GGA3: variants seen among roughly 807,000 people sequenced by gnomAD.
GGA3 encodes the protein ADP-ribosylation factor-binding protein GGA3.
Under a neutral mutation model 77.5 loss-of-function variants are expected in GGA3, and 57 were observed. The observed-to-expected ratio is 0.74, with a 90% CI of 0.59 to 0.92. GGA3 has a LOEUF of 0.92. Ranked by LOEUF, GGA3 falls within the 40% of genes least tolerant of loss-of-function variation. The pLI, the probability that GGA3 is intolerant of heterozygous loss-of-function variation, is 0.00. For synonymous variants in GGA3, 416 were observed against 383.7 expected (o/e 1.08, Z -0.98); for missense variants, 970 against 914.9 (o/e 1.06, Z -0.78).
chr17:75,240,533 C>T, intron 11 of GGA3, 121 bp from the exon 12 acceptor site: 1 of 703,030 alleles, frequency 1.4e-6, no homozygotes, highest in Non-Finnish European at 2.5e-6. Flanking sequence ...CCGGGAGAAG[C>T]TGTTCTGCAG....
At chr17:75,262,122 C>T (rs776823262), upstream of GGA3, 23 of 1,027,242 alleles carry the variant, frequency 2.2e-5, no homozygotes, top group East Asian at 2.8e-4. Flanking sequence ...AGCTGCGTGA[C>T]CCTGCGCCAA....
At chr17:75,251,125 A>G (rs1967385) in intron 1 of GGA3, among the ~76,000 whole-genome samples, 113,473 of 151,822 alleles carry the variant, frequency 0.75, 47,486 homozygotes, top group East Asian at 0.92. Flanking sequence ...AACAAGCAGA[A>G]GCAAGAACAT....
chr17:75,252,445 A>C (rs1030623938), intron 1 of GGA3, among the ~76,000 whole-genome samples: 3 of 150,882 alleles, frequency 2.0e-5, no homozygotes, highest in African/African-American at 7.3e-5. Context: ...CTATTCCCCC[A>C]CCTCTTTTTT....
intron 1 of GGA3, among the ~76,000 whole-genome samples, chr17:75,251,370 G>C (rs575265958): frequency 6.6e-6 from 1 of 151,242 alleles, no homozygotes; most frequent in Non-Finnish European, 1.5e-5. Context: ...CAAAAAACAA[G>C]ACAGTAGATA....
chr17:75,246,512 C>T lies in GGA3; in HGVS notation c.198G>A (p.Leu66=). The T allele has an allele frequency of 6.2e-7, 1 of 1,604,228 alleles. No homozygotes were observed. Among genetic ancestry groups the T allele is most frequent in the Non-Finnish European group, 8.5e-7 (1 of 1,170,940 alleles). ...SPQEWEALQA[L]TVLEACMKNC... ...CTCCGGAGAGTGAAGGACCTACCGT[C>T]AGGGCCTGGAGCGCCTCCCATTCCT... is the stretch of plus-strand genomic sequence containing the variant. Residue 66 remains leucine, a synonymous_variant, in exon 3 of 17, where the codon CTG becomes CTA. Coordinates refer to ENST00000537686, the MANE Select transcript of GGA3 (RefSeq NM_138619.4).
Position 75,238,771 on chromosome 17 carries a change from A to C in GGA3, c.1951-9T>G, listed in dbSNP as rs1383939100. 1 of 1,605,732 alleles carries C rather than the reference A, an allele frequency of 6.2e-7. No homozygotes were observed. The highest frequency in any genetic ancestry group is 1.3e-5 in the African/African-American group (1 of 74,646). On this transcript the variant is annotated splice_polypyrimidine_tract_variant and intron_variant, in intron 15 of 16. Transcript: ENST00000537686. ...AACTTCACTTTCATTGACTAAAGAG[A>C]GAGAAACTCCTTTGAAGAGAACTGG...
chr17:75,255,058 A>C lies in GGA3; in HGVS notation c.40+6490T>G, dbSNP rs546006708. Among the ~76,000 whole-genome samples the C allele has an allele frequency of 3.8e-3, 581 of 152,290 alleles. 2 individuals are homozygous for C. The highest frequency in any genetic ancestry group is 0.013 in the African/African-American group (550 of 41,550). On this transcript the variant is annotated intron_variant, in intron 1 of 16. Transcript: ENST00000537686. ...AACGGCTGAAGACTGACGCTGCCCG[A>C]TCGCCTCGGAAGCCCCATAGACCAT... is the stretch of plus-strand genomic sequence containing the variant.
chr17:75,237,913 A>AGCCGG lies in GGA3; in HGVS notation c.*365_*366insCCGGC. 1 of 1,220,416 alleles carries AGCCGG rather than the reference A, an allele frequency of 8.2e-7. No homozygotes were observed. The highest frequency in any genetic ancestry group is 1.0e-6 in the Non-Finnish European group (1 of 968,918). 75.6% of individuals were successfully genotyped at this position (1,220,416 alleles called of 1,614,324 possible). A position where few individuals can be genotyped will look rare whatever the true frequency, so the allele number is the denominator to read the frequency against. On this transcript the variant is annotated 3_prime_UTR_variant, in exon 17 of 17. Coordinates refer to ENST00000537686, the MANE Select transcript of GGA3 (RefSeq NM_138619.4). ...ATGACCCATGACAGTCTCTCTTTAG[A>AGCCGG]GACTCCCACCCCCCACCCCCCACCC...
At chr17:75,242,570 G>T in intron 7 of GGA3, 97 bp from the exon 8 acceptor site, 3 of 1,419,008 alleles carry the variant, frequency 2.1e-6, no homozygotes, top group Non-Finnish European at 3.0e-6. Flanking sequence ...AAGTACAGAC[G>T]CTCGGAAGCT....
chr17:75,240,487 G>T, intron 11 of GGA3, 75 bp from the exon 12 acceptor site: 1 of 958,206 alleles, frequency 1.0e-6, no homozygotes, highest in Non-Finnish European at 1.6e-6. Context: ...GCCTGAGGAG[G>T]GGTCAGGTGA....
chr17:75,239,715 CT>C (rs1305716587), intron 13 of GGA3, 73 bp downstream of exon 13: 1 of 1,566,258 alleles, frequency 6.4e-7, no homozygotes, highest in African/African-American at 1.4e-5. Context: ...ACCCCCACCC[CT>C]TCAAAGTTAG....
At chr17:75,243,039 TC>T (rs1332770524) in intron 6 of GGA3, 23 bp downstream of exon 6, 2 of 1,575,118 alleles carry the variant, frequency 1.3e-6, no homozygotes, top group South Asian at 2.2e-5. Flanking sequence ...TATGAGAAAA[TC>T]CCAGGCCCAG....
chr17:75,254,876 CA>C (rs1276360549), intron 1 of GGA3, among the ~76,000 whole-genome samples: 13 of 152,170 alleles, frequency 8.5e-5, no homozygotes, highest in Non-Finnish European at 1.9e-4. Context: ...GCCACCGAGC[CA>C]AGGAATGCCC....
chr17:75,259,175 C>T (rs1315674473), intron 1 of GGA3, among the ~76,000 whole-genome samples: 1 of 151,986 alleles, frequency 6.6e-6, no homozygotes, highest in Non-Finnish European at 1.5e-5. Flanking sequence ...AGGATGGTCT[C>T]GATCTCCTGA....
At chr17:75,239,757 T>G in intron 13 of GGA3, 32 bp downstream of exon 13, 1 of 1,609,064 alleles carries the variant, frequency 6.2e-7, no homozygotes, top group Non-Finnish European at 8.5e-7. Flanking sequence ...GGCCCAACCC[T>G]CAGCAACCCC....
rs545080902 is a variant in GGA3, at chr17:75,246,517, C to T, written c.193G>A (p.Ala65Thr). 1 of 1,608,388 alleles carries T rather than the reference C, an allele frequency of 6.2e-7. No homozygotes were observed. Among genetic ancestry groups the T allele is most frequent in the African/African-American group, 1.3e-5 (1 of 74,930 alleles). ...GAGAGTGAAGGACCTACCGTCAGGG[C>T]CTGGAGCGCCTCCCATTCCTGTGGG... Reference protein sequence around the residue: ...QSPQEWEALQALTVLEACMKN... With the variant: ...QSPQEWEALQTLTVLEACMKN... The change falls in exon 3 of 17, where the codon GCC becomes ACC. Residue 65 changes from alanine (A) to threonine (T), a missense_variant. Transcript: ENST00000537686.
intron 1 of GGA3, among the ~76,000 whole-genome samples, chr17:75,258,322 G>A (rs917685563): frequency 6.6e-5 from 10 of 152,114 alleles, no homozygotes; most frequent in South Asian, 2.1e-4. Flanking sequence ...CCAAAACACC[G>A]ATTTCACCTA....
intron 8 of GGA3, 149 bp downstream of exon 8, chr17:75,242,187 G>T: frequency 1.2e-6 from 1 of 816,436 alleles, no homozygotes. Flanking sequence ...CTCTACTGAC[G>T]TGGCTGCTGT....
chr17:75,248,921 C>T (rs946828982), intron 1 of GGA3: 2 of 985,142 alleles, frequency 2.0e-6, no homozygotes, highest in Non-Finnish European at 2.4e-6. Flanking sequence ...GCGACAGCTG[C>T]CAGGCAGAGG....
Sources: allele counts gnomAD v4.1 joint callset (sites outside exome capture counted in the v4.1 genomes callset), GRCh38; gene constraint gnomAD v4.1.1; transcripts MANE v1.5; gene names NCBI Gene and HGNC (gene_info 2026-07-23, HGNC 2026-07-21).